The following LRRC4C variants were observed in gnomAD, a reference collection of about 807,000 sequenced individuals.
LRRC4C encodes leucine rich repeat containing 4C.
A neutral mutation model predicts 33.6 loss-of-function variants in LRRC4C; 5 were observed. The observed-to-expected ratio is 0.15, with a 90% confidence interval of 0.08 to 0.31. The LOEUF (loss-of-function observed/expected upper bound fraction) is 0.31. Among genes scored for constraint, LRRC4C ranks in the 10% least tolerant of loss-of-function variants. LRRC4C has a pLI of 1.00. For synonymous variants in LRRC4C, 329 were observed against 302.0 expected (o/e 1.09, Z -0.93); for missense variants, 560 against 796.7 (o/e 0.70, Z 3.58).
chr11:40,846,612 T>A (rs1953187933), intron 2 of LRRC4C, among the ~76,000 whole-genome samples: 1 of 152,068 alleles, frequency 6.6e-6, no homozygotes, highest in African/African-American at 2.4e-5. Context: ...GCTTTGTTTT[T>A]TTGCTTAGGA....
intron 5 of LRRC4C, among the ~76,000 whole-genome samples, chr11:40,162,661 G>A (rs1213234875): frequency 6.6e-6 from 1 of 152,120 alleles, no homozygotes; most frequent in Non-Finnish European, 1.5e-5. Context: ...TTGTTTTGTT[G>A]TTGTGTTTAT....
intron 1 of LRRC4C, among the ~76,000 whole-genome samples, chr11:41,065,422 C>A (rs1168823584): frequency 6.6e-6 from 1 of 152,140 alleles, no homozygotes; most frequent in East Asian, 1.9e-4. Flanking sequence ...AAAGAACTCT[C>A]AACTCCCTGG....
intron 2 of LRRC4C, among the ~76,000 whole-genome samples, chr11:40,685,829 A>G (rs1944925675): frequency 6.6e-6 from 1 of 152,086 alleles, no homozygotes; most frequent in East Asian, 1.9e-4. Context: ...ACACAGAGAG[A>G]GAGAGGAAGA....
At chr11:40,202,192 C>T (rs1014634051) in intron 5 of LRRC4C, among the ~76,000 whole-genome samples, 4 of 122,952 alleles carry the variant, frequency 3.3e-5, no homozygotes, top group Admixed American at 9.8e-5. Context: ...CAGGCTTCCT[C>T]GGAGGGTCCT....
Position 41,015,963 on chromosome 11 carries a change from C to T in LRRC4C, c.-495-82240G>A, listed in dbSNP as rs184433027. On this transcript the variant is annotated intron_variant, in intron 1 of 6. Transcript: ENST00000528697. ...CGAGATCGCGCCACTGCACTCCAGC[C>T]CGGGCGAGCTGCAGAGCGAGACTCC... 5.2e-3 allele frequency among the ~76,000 whole-genome samples: 794 copies of T among 152,150 alleles called. 4 individuals carry two copies. The highest frequency in any genetic ancestry group is 9.1e-3 in the Non-Finnish European group (619 of 68,006).
At chr11:40,189,366 G>A (rs7116030) in intron 5 of LRRC4C, among the ~76,000 whole-genome samples, 67,951 of 151,874 alleles carry the variant, frequency 0.45, 15,425 homozygotes, top group South Asian at 0.55. Context: ...AAACCATTGT[G>A]TTGTGTTTTG....
chr11:40,348,211 ATGT>A (rs1371889082), intron 3 of LRRC4C, among the ~76,000 whole-genome samples: 2 of 43,860 alleles, frequency 4.6e-5, no homozygotes, highest in Non-Finnish European at 4.7e-5. Context: ...TTATGAACAC[ATGT>A]TGTTGGAAAA....
intron 4 of LRRC4C, among the ~76,000 whole-genome samples, chr11:40,253,658 A>G (rs1866966335): frequency 1.3e-5 from 2 of 152,204 alleles, no homozygotes; most frequent in Admixed American, 1.3e-4. Context: ...CGATTTATGG[A>G]TTACTAAACT....
intron 1 of LRRC4C, among the ~76,000 whole-genome samples, chr11:41,125,242 A>G (rs912344646): frequency 1.3e-5 from 2 of 151,280 alleles, no homozygotes; most frequent in African/African-American, 4.8e-5. Flanking sequence ...TATCTCTATA[A>G]AATTATTGAC....
rs549502171 is a variant in LRRC4C, at chr11:40,827,843, A to T, written c.-407+105792T>A. On this transcript the variant is annotated intron_variant, in intron 2 of 6. Coordinates refer to ENST00000528697, the MANE Select transcript of LRRC4C (RefSeq NM_001258419.2). ...ATTTCATCTATCAAGTGAATAAAGA[A>T]ATACCACATATGAAGGATTTAAAAA... is the stretch of plus-strand genomic sequence containing the variant. 4.6e-5 allele frequency among the ~76,000 whole-genome samples: 7 copies of T among 151,860 alleles called. No homozygotes were observed. In the South Asian group the frequency reaches 6.2e-4, roughly 13 times the overall value.
intron 3 of LRRC4C, among the ~76,000 whole-genome samples, chr11:40,570,481 T>A (rs1220814838): frequency 6.6e-6 from 1 of 152,186 alleles, no homozygotes; most frequent in Admixed American, 6.5e-5. Flanking sequence ...TGGCTGCTTT[T>A]AGACTATGTA....
chr11:40,787,148 A>G (rs1275160336), intron 2 of LRRC4C, among the ~76,000 whole-genome samples: 3 of 152,292 alleles, frequency 2.0e-5, no homozygotes, highest in African/African-American at 7.2e-5. Context: ...TAACATAAAC[A>G]ATAAGAAGCA....
At chr11:41,252,588 G>T (rs1240697558) in intron 1 of LRRC4C, among the ~76,000 whole-genome samples, 2 of 152,082 alleles carry the variant, frequency 1.3e-5, no homozygotes, top group Non-Finnish European at 2.9e-5. Context: ...CTCTGTTTTT[G>T]TAATACTATT....
At chr11:40,538,213 T>A (rs2135365565) in intron 3 of LRRC4C, among the ~76,000 whole-genome samples, 1 of 152,246 alleles carries the variant, frequency 6.6e-6, no homozygotes, top group Middle Eastern at 3.4e-3. Context: ...ACTGCCGCTC[T>A]CATCACTCTG....
At chr11:41,263,311 T>A (rs1949043222) in intron 1 of LRRC4C, among the ~76,000 whole-genome samples, 1 of 152,130 alleles carries the variant, frequency 6.6e-6, no homozygotes, top group Non-Finnish European at 1.5e-5. Context: ...ATGCAATAAT[T>A]CAAGATTTGT....
At chr11:41,185,434 T>G (rs1269631296) in intron 1 of LRRC4C, among the ~76,000 whole-genome samples, 1 of 152,204 alleles carries the variant, frequency 6.6e-6, no homozygotes, top group African/African-American at 2.4e-5. Context: ...GGATGATTTC[T>G]TAAGTGTTTG....
At chr11:40,568,973 G>A (rs1349430389) in intron 3 of LRRC4C, among the ~76,000 whole-genome samples, 1 of 152,128 alleles carries the variant, frequency 6.6e-6, no homozygotes, top group African/African-American at 2.4e-5. Flanking sequence ...TTACTCCACA[G>A]CTAACCTGTA....
At chr11:40,708,161 ACTC>A (rs1168770102) in intron 2 of LRRC4C, among the ~76,000 whole-genome samples, 1 of 151,536 alleles carries the variant, frequency 6.6e-6, no homozygotes, top group Non-Finnish European at 1.5e-5. Flanking sequence ...CAAAAAATCA[ACTC>A]CTGGATTCAC....
At chr11:40,691,632 C>A (rs1165717101) in intron 2 of LRRC4C, among the ~76,000 whole-genome samples, 4 of 151,994 alleles carry the variant, frequency 2.6e-5, no homozygotes, top group Non-Finnish European at 5.9e-5. Context: ...TAGAGGAAAG[C>A]CTTTGAAGAA....
Sources: allele counts gnomAD v4.1 joint callset (sites outside exome capture counted in the v4.1 genomes callset), GRCh38; gene constraint gnomAD v4.1.1; transcripts MANE v1.5; gene names NCBI Gene and HGNC (gene_info 2026-07-23, HGNC 2026-07-21).